The following HEATR4 variants were observed in gnomAD, a reference collection of about 807,000 sequenced individuals.
HEATR4 encodes the protein HEAT repeat-containing protein 4.
HEATR4 carries 95 observed loss-of-function variants against 108.8 expected under a neutral mutation model. The ratio of observed to expected loss-of-function variants is 0.87; its 90% CI spans 0.74 to 1.04. HEATR4 has a LOEUF of 1.04. Ranked by LOEUF, HEATR4 falls within the 50% of genes least tolerant of loss-of-function variation. The pLI is 0.00. For synonymous variants in HEATR4, 443 were observed against 459.4 expected, an observed-to-expected ratio of 0.96 and a Z score of 0.46; for missense variants, 1,152 against 1,253.8, an observed-to-expected ratio of 0.92 and a Z score of 1.23.
intron 1 of HEATR4, among the ~76,000 whole-genome samples, chr14:73,535,486 T>C (rs1210302309): frequency 0.044 from 2,336 of 53,334 alleles, 511 homozygotes; most frequent in African/African-American, 0.2. Context: ...TTTTTTTTTT[T>C]TTTTTTTTTT....
chr14:73,524,748 G>T (rs1888223656), intron 2 of HEATR4, among the ~76,000 whole-genome samples: 1 of 151,192 alleles, frequency 6.6e-6, no homozygotes, highest in African/African-American at 2.4e-5. Flanking sequence ...CACTCACTTT[G>T]TTGGCCTTGC....
chr14:73,481,133 A>G (rs1885238121), intron 17 of HEATR4, among the ~76,000 whole-genome samples: 1 of 152,196 alleles, frequency 6.6e-6, no homozygotes, highest in Non-Finnish European at 1.5e-5. Flanking sequence ...TAGTAGAGAC[A>G]TGAACCTCTT....
intron 10 of HEATR4, among the ~76,000 whole-genome samples, chr14:73,505,826 A>T (rs2140269875): frequency 6.6e-6 from 1 of 151,532 alleles, no homozygotes; most frequent in Non-Finnish European, 1.5e-5. Flanking sequence ...GGCGGGGGGG[A>T]AATATGTCAT....
the HEATR4 span, among the ~76,000 whole-genome samples, chr14:73,570,282 T>G: frequency 6.6e-6 from 1 of 151,152 alleles, no homozygotes; most frequent in Non-Finnish European, 1.5e-5. Flanking sequence ...TAAAAGACAT[T>G]GTAAGGGCCA....
Position 73,509,854 on chromosome 14 carries a change from ATATATATATATATATTTATT to A in HEATR4, c.1559-401_1559-382del, listed in dbSNP as rs1191351959. Reference sequence around the variant, plus strand: ...TATATATATATATATATATATATATATATATATATATATATTTATTTATTTTATATATTTTTTGAGACGGA... The same window carrying A: ...TATATATATATATATATATATATATATATTTTATATATTTTTTGAGACGGA... On this transcript the variant is annotated intron_variant, in intron 7 of 17. Transcript: ENST00000553558. Among the ~76,000 whole-genome samples the A allele has an allele frequency of 2.0e-3, 120 of 58,574 alleles. 5 individuals are homozygous for A. The highest frequency in any genetic ancestry group is 3.2e-3 in the Non-Finnish European group (91 of 28,708). The allele number at this position is 58,574 out of a possible 152,430, so 38.4% of individuals were successfully genotyped here.
chr14:73,561,993 A>C (rs1566856178), upstream of HEATR4, among the ~76,000 whole-genome samples: 1 of 152,048 alleles, frequency 6.6e-6, no homozygotes, highest in African/African-American at 2.4e-5. Flanking sequence ...GGGAGAGTGA[A>C]GTTATGATAT....
chr14:73,496,504 G>A (rs187415623), intron 15 of HEATR4, 97 bp downstream of exon 15: 1 of 730,446 alleles, frequency 1.4e-6, no homozygotes, highest in African/African-American at 1.8e-5. Context: ...CTTCTATGGT[G>A]GGAAAAAGGG....
intron 1 of HEATR4, among the ~76,000 whole-genome samples, chr14:73,540,739 ATTC>A (rs1158822670): frequency 9.6e-6 from 1 of 103,812 alleles, no homozygotes; most frequent in Non-Finnish European, 1.9e-5. Context: ...AGGTGTTTGC[ATTC>A]TTTTTTTTTT....
chr14:73,626,318 T>A, the HEATR4 span, among the ~76,000 whole-genome samples: 1 of 152,184 alleles, frequency 6.6e-6, no homozygotes. Context: ...AAGTTTACAA[T>A]TTTGTGTTGG....
chr14:73,614,328 C>T, the HEATR4 span, among the ~76,000 whole-genome samples: 1 of 152,192 alleles, frequency 6.6e-6, no homozygotes, highest in Non-Finnish European at 1.5e-5. Context: ...AATTCTTAGC[C>T]TTAACTCGTG....
chr14:73,619,503 A>G, the HEATR4 span: 3 of 1,614,252 alleles, frequency 1.9e-6, no homozygotes, highest in Non-Finnish European at 2.5e-6. Flanking sequence ...GTCTTGTTCC[A>G]TTGGAAAAGG....
At chr14:73,632,583 C>A in the HEATR4 span, among the ~76,000 whole-genome samples, 1 of 151,976 alleles carries the variant, frequency 6.6e-6, no homozygotes, top group Non-Finnish European at 1.5e-5. Flanking sequence ...GTGGCTCATG[C>A]CTGTAATCCC....
the HEATR4 span, among the ~76,000 whole-genome samples, chr14:73,589,436 C>T: frequency 7.9e-5 from 12 of 152,156 alleles, no homozygotes; most frequent in African/African-American, 2.9e-4. Context: ...TCTCCTGCCT[C>T]AGCCTCCCAG....
At chr14:73,597,737 G>A in the HEATR4 span, among the ~76,000 whole-genome samples, 2 of 151,500 alleles carry the variant, frequency 1.3e-5, no homozygotes, top group African/African-American at 2.4e-5. Flanking sequence ...GGGACTACAG[G>A]TACCTGCCAC....
At chr14:73,632,301 A>T in the HEATR4 span, among the ~76,000 whole-genome samples, 2 of 152,152 alleles carry the variant, frequency 1.3e-5, no homozygotes, top group East Asian at 1.9e-4. Context: ...AATTACATAT[A>T]TCAATACTTT....
At chr14:73,505,859 T>C (rs1886777895) in intron 10 of HEATR4, among the ~76,000 whole-genome samples, 1 of 151,744 alleles carries the variant, frequency 6.6e-6, no homozygotes, top group Non-Finnish European at 1.5e-5. Flanking sequence ...TCTGTTGATA[T>C]TGAGGCAATA....
At chr14:73,613,481 C>T in the HEATR4 span, among the ~76,000 whole-genome samples, 1 of 152,140 alleles carries the variant, frequency 6.6e-6, no homozygotes, top group Non-Finnish European at 1.5e-5. Context: ...TCCAAAGAAG[C>T]TAAAATCCAC....
rs111428820 is a variant in HEATR4, at chr14:73,550,205, A to G, written c.-152+8546T>C. On this transcript the variant is annotated intron_variant, in intron 1 of 17. Transcript: ENST00000553558. ...TTTGAGATATTCTTTCAGGTCCTGCATAGCAATGAAACTGAGGCAGGATAG... is the reference window on the plus strand; with the variant it reads ...TTTGAGATATTCTTTCAGGTCCTGCGTAGCAATGAAACTGAGGCAGGATAG... Among the ~76,000 whole-genome samples the G allele has an allele frequency of 1.1e-3, 124 of 114,068 alleles. 26 individuals carry two copies. The highest frequency in any genetic ancestry group is 2.2e-3 in the African/African-American group (76 of 35,016). 74.8% of individuals were successfully genotyped at this position (114,068 alleles called of 152,430 possible).
intron 12 of HEATR4, 45 bp downstream of exon 12, chr14:73,500,505 C>T: frequency 6.3e-7 from 1 of 1,581,300 alleles, no homozygotes; most frequent in Middle Eastern, 2.3e-4. Flanking sequence ...GTAATGCCCT[C>T]TTCAGGTCAA....
Sources: gnomAD v4.1 joint callset for allele counts (sites outside exome capture counted in the v4.1 genomes callset) on GRCh38, gnomAD v4.1.1 for gene constraint, MANE v1.5 for transcripts, NCBI Gene and HGNC (gene_info 2026-07-23, HGNC 2026-07-21) for gene names.